The following KATNAL2 variants were observed in gnomAD, a reference collection of about 807,000 sequenced individuals.
KATNAL2 encodes katanin p60 ATPase-containing subunit A-like 2.
Under a neutral mutation model 76.3 loss-of-function variants are expected in KATNAL2, and 52 were observed. The observed-to-expected ratio is 0.68, with a 90% CI of 0.55 to 0.86. KATNAL2 has a LOEUF of 0.86. Among genes scored for constraint, KATNAL2 ranks in the 40% least tolerant of loss-of-function variants. The pLI, the probability that KATNAL2 is intolerant of heterozygous loss-of-function variation, is 0.00. For missense variants in KATNAL2, 660 were observed against 668.9 expected (o/e 0.99, Z 0.15); for synonymous variants, 243 against 244.2 (o/e 1.00, Z 0.05).
chr18:46,958,800 A>G (rs2059841965), intron 3 of KATNAL2, among the ~76,000 whole-genome samples: 1 of 152,242 alleles, frequency 6.6e-6, no homozygotes, highest in Non-Finnish European at 1.5e-5. Context: ...CAAAAAAATA[A>G]TTAGAGTCAA....
At chr18:47,067,228 C>T (rs57105187) in intron 11 of KATNAL2, 109 bp downstream of exon 11, 25 of 471,738 alleles carry the variant, frequency 5.3e-5, no homozygotes, top group South Asian at 1.3e-4. Context: ...TCTGTCCACA[C>T]GTTAACTCTT....
intron 4 of KATNAL2, among the ~76,000 whole-genome samples, chr18:47,046,905 A>G (rs896183048): frequency 1.3e-5 from 2 of 152,158 alleles, no homozygotes; most frequent in African/African-American, 4.8e-5. Flanking sequence ...CCTGTGCACC[A>G]CCGATTCCTC....
chr18:47,088,689 C>T (rs558269710), intron 15 of KATNAL2, among the ~76,000 whole-genome samples: 5 of 152,252 alleles, frequency 3.3e-5, no homozygotes, highest in African/African-American at 4.8e-5. Context: ...AGCGATCCTC[C>T]CACCTCAGGG....
At chr18:46,951,040 A>T (rs966149128) in intron 3 of KATNAL2, among the ~76,000 whole-genome samples, 1 of 152,116 alleles carries the variant, frequency 6.6e-6, no homozygotes, top group East Asian at 1.9e-4. Flanking sequence ...ACTCACTTTT[A>T]TGAAGATAAG....
At chr18:47,092,635 G>A (rs1484037424) in intron 15 of KATNAL2, among the ~76,000 whole-genome samples, 1 of 152,094 alleles carries the variant, frequency 6.6e-6, no homozygotes, top group Non-Finnish European at 1.5e-5. Context: ...GGCATTCTAT[G>A]AGTTTCATCT....
chr18:46,945,637 A>G (rs988514397), intron 1 of KATNAL2, among the ~76,000 whole-genome samples: 2 of 152,234 alleles, frequency 1.3e-5, no homozygotes, highest in Non-Finnish European at 2.9e-5. Context: ...AGAACTACTT[A>G]TTAATAATTT....
intron 1 of KATNAL2, among the ~76,000 whole-genome samples, chr18:46,940,180 C>G (rs1365010582): frequency 6.6e-6 from 1 of 152,050 alleles, no homozygotes; most frequent in African/African-American, 2.4e-5. Context: ...GACTCCAGAG[C>G]AGAGCTCTGA....
chr18:47,099,328 T>C lies in KATNAL2; in HGVS notation c.1297T>C (p.Tyr433His), dbSNP rs369022468. The change falls in exon 16 of 18, where the codon TAC (tyrosine) becomes CAC (histidine). Residue 433 changes from tyrosine (Y) to histidine (H), a missense_variant. Physicochemically the swap from Tyr to His is moderately conservative, Grantham distance 83. Transcript: ENST00000683218. ...PSREARQAMI[Y>H]HWLPPVSKSR... ...CCGGGAGGCCAGGCAGGCCATGATC[T>C]ACCACTGGCTGCCTCCTGTGAGCAA... The C allele has an allele frequency of 4.3e-6, 7 of 1,614,046 alleles. No homozygotes were observed. The highest frequency in any genetic ancestry group is 5.9e-6 in the Non-Finnish European group (7 of 1,180,000).
At chr18:47,059,777 G>A (rs1272454095) in intron 8 of KATNAL2, 123 bp downstream of exon 8, 2 of 716,448 alleles carry the variant, frequency 2.8e-6, no homozygotes, top group African/African-American at 1.8e-5. Context: ...AAGGTTGGCT[G>A]TGAGGTAAAT....
At chr18:47,084,180 G>A (rs1329158826) in intron 15 of KATNAL2, among the ~76,000 whole-genome samples, 1 of 152,134 alleles carries the variant, frequency 6.6e-6, no homozygotes, top group Non-Finnish European at 1.5e-5. Flanking sequence ...TTTGAAACCC[G>A]CCGGGGCAAC....
rs539808741 is a variant in KATNAL2, at chr18:46,918,369, C to T, written c.-510+443C>T. Among the ~76,000 whole-genome samples, 13 of 152,282 alleles carry T rather than the reference C, an allele frequency of 8.5e-5. No homozygotes were observed. The South Asian group carries it at 2.7e-3, about 32-fold the overall frequency. On this transcript the variant is annotated intron_variant, in intron 1 of 17. Transcript: ENST00000683218. ...TTTTAAGGCCCTGTTTAATCAGCCT[C>T]CTACCTACCGCCTCTTCCCACTACC...
chr18:47,034,215 C>A (rs745913119), intron 3 of KATNAL2: 1 of 1,613,932 alleles, frequency 6.2e-7, no homozygotes, highest in East Asian at 2.2e-5. Context: ...CAGTCGGTGG[C>A]TTCCCCTCTT....
At chr18:47,083,868 C>G (rs1253546279) in intron 15 of KATNAL2, among the ~76,000 whole-genome samples, 1 of 152,210 alleles carries the variant, frequency 6.6e-6, no homozygotes, top group East Asian at 1.9e-4. Context: ...ATTTAACTCT[C>G]TGGGAGTTTG....
intron 6 of KATNAL2, among the ~76,000 whole-genome samples, chr18:47,057,794 A>G (rs1470753715): frequency 1.3e-5 from 2 of 152,234 alleles, no homozygotes. Flanking sequence ...GATTAAAACC[A>G]TGGGGCCAAT....
intron 3 of KATNAL2, among the ~76,000 whole-genome samples, chr18:47,046,111 T>C (rs1447597941): frequency 6.6e-6 from 1 of 152,260 alleles, no homozygotes; most frequent in Non-Finnish European, 1.5e-5. Context: ...ATTATCTTTT[T>C]CTAATCAGTT....
intron 3 of KATNAL2, among the ~76,000 whole-genome samples, chr18:46,950,269 T>C (rs2059510730): frequency 6.6e-6 from 1 of 152,174 alleles, no homozygotes; most frequent in Non-Finnish European, 1.5e-5. Context: ...AAGAGCAATA[T>C]TTAGGTATGC....
At chr18:46,953,088 G>A (rs991096929) in intron 3 of KATNAL2, among the ~76,000 whole-genome samples, 1 of 151,486 alleles carries the variant, frequency 6.6e-6, no homozygotes, top group African/African-American at 2.4e-5. Context: ...TAGAGACGGG[G>A]TTTCACCGTG....
At chr18:46,939,820 G>C (rs2059196344) in intron 1 of KATNAL2, among the ~76,000 whole-genome samples, 1 of 152,200 alleles carries the variant, frequency 6.6e-6, no homozygotes, top group African/African-American at 2.4e-5. Flanking sequence ...ACTGGTCTCT[G>C]CCCTTTCTGA....
At chr18:47,032,203 T>C (rs1698913027) in intron 3 of KATNAL2, among the ~76,000 whole-genome samples, 1 of 152,252 alleles carries the variant, frequency 6.6e-6, no homozygotes, top group South Asian at 2.1e-4. Context: ...CATGTACCAG[T>C]GATTACCATT....
Sources: allele counts gnomAD v4.1 joint callset (sites outside exome capture counted in the v4.1 genomes callset), GRCh38; gene constraint gnomAD v4.1.1; transcripts MANE v1.5; gene names NCBI Gene and HGNC (gene_info 2026-07-23, HGNC 2026-07-21).